The following CCDC6 variants were observed in gnomAD, a reference collection of about 807,000 sequenced individuals.
CCDC6 encodes the protein coiled-coil domain-containing protein 6.
CCDC6 carries 20 observed loss-of-function variants against 56.6 expected under a neutral mutation model. The ratio of observed to expected loss-of-function variants is 0.35; its 90% CI spans 0.25 to 0.51. The LOEUF is 0.51. Ranked by LOEUF, CCDC6 falls within the 20% of genes least tolerant of loss-of-function variation. The probability of loss-of-function intolerance (pLI) is 0.95; values close to 1 mark genes in which losing one functional copy is unlikely to be tolerated. For synonymous variants in CCDC6, 241 were observed against 234.4 expected, an observed-to-expected ratio of 1.03 and a Z score of -0.26; for missense variants, 367 against 601.1, an observed-to-expected ratio of 0.61 and a Z score of 4.07.
chr10:59,806,560 G>A (rs2070625378), intron 6 of CCDC6: 2 of 166,456 alleles, frequency 1.2e-5, no homozygotes, highest in Non-Finnish European at 2.6e-5. Context: ...ACTATAGCTT[G>A]CTTATCCTTA....
chr10:59,904,891 CTCCTCCACCGAAGGCATT>C (rs146977414), intron 1 of CCDC6, among the ~76,000 whole-genome samples: 1,775 of 152,302 alleles, frequency 0.012, 35 homozygotes, highest in African/African-American at 0.041. Flanking sequence ...TATACACAGC[CTCCTCCACCGAAGGCATT>C]TCCTGGCACA....
At chr10:59,889,490 G>T (rs1432068565) in intron 1 of CCDC6, among the ~76,000 whole-genome samples, 1 of 152,150 alleles carries the variant, frequency 6.6e-6, no homozygotes, top group African/African-American at 2.4e-5. Context: ...ACCTTCTGCT[G>T]TCCACAAAGT....
chr10:59,863,515 T>C (rs1444775996), intron 1 of CCDC6, among the ~76,000 whole-genome samples: 1 of 152,170 alleles, frequency 6.6e-6, no homozygotes, highest in African/African-American at 2.4e-5. Flanking sequence ...GGCATATTTA[T>C]AAAGACAGAA....
intron 1 of CCDC6, among the ~76,000 whole-genome samples, chr10:59,886,832 A>G (rs2071386178): frequency 6.6e-6 from 1 of 152,326 alleles, no homozygotes; most frequent in African/African-American, 2.4e-5. Flanking sequence ...AAAGGATATC[A>G]ACTAGGCAGG....
intron 7 of CCDC6, among the ~76,000 whole-genome samples, chr10:59,797,590 A>G (rs1462887219): frequency 1.6e-5 from 1 of 64,010 alleles, no homozygotes; most frequent in Non-Finnish European, 3.3e-5. Context: ...CCTCCTAGCA[A>G]AAAAAAAAAA....
At chr10:59,898,354 C>G (rs1358930527) in intron 1 of CCDC6, among the ~76,000 whole-genome samples, 3 of 152,214 alleles carry the variant, frequency 2.0e-5, no homozygotes, top group Admixed American at 1.3e-4. Flanking sequence ...ACAGCTCTCC[C>G]CATCTCTGCC....
chr10:59,796,598 T>A (rs569210258), intron 7 of CCDC6, among the ~76,000 whole-genome samples: 1 of 152,298 alleles, frequency 6.6e-6, no homozygotes, highest in African/African-American at 2.4e-5. Context: ...TCTGGGTATT[T>A]ATACAAAATA....
chr10:59,800,172 A>G (rs1246279647), intron 7 of CCDC6, among the ~76,000 whole-genome samples: 1 of 152,214 alleles, frequency 6.6e-6, no homozygotes, highest in Non-Finnish European at 1.5e-5. Flanking sequence ...ACCCTACATA[A>G]CAATAACACA....
intron 1 of CCDC6, among the ~76,000 whole-genome samples, chr10:59,880,901 C>T (rs2071328422): frequency 2.0e-5 from 3 of 152,146 alleles, no homozygotes; most frequent in African/African-American, 7.2e-5. Context: ...GTCCTGCTAT[C>T]CAGTCTCTGC....
rs185595940 is a variant in CCDC6, at chr10:59,905,315, G to A, written c.303+807C>T. On this transcript the variant is annotated intron_variant, in intron 1 of 8. Coordinates refer to ENST00000263102, the MANE Select transcript of CCDC6 (RefSeq NM_005436.5). ...GGGGACAGGTAGAAACAGAACAGAT[G>A]GCCTGTTCTCCAGTATCTAGACTCA... Among the ~76,000 whole-genome samples the A allele has an allele frequency of 3.1e-4, 47 of 152,202 alleles. 1 individual carries two copies. The East Asian group carries it at 8.5e-3, about 28-fold the overall frequency.
In CCDC6 at chr10:59,807,432, C is replaced by G. The variant is rs528282678; in HGVS notation, c.848-354G>C. The stretch of plus-strand genomic sequence containing the variant: ...CTCAGGAGGTGGAGGTTGTAGTGAG[C>G]GAGACTGAGCTACTGCACTTCAGCC... On this transcript the variant is annotated intron_variant, in intron 5 of 8. Transcript: ENST00000263102. 1.3e-4 allele frequency among the ~76,000 whole-genome samples: 20 copies of G among 152,202 alleles called. No homozygotes were observed. The East Asian group carries it at 3.7e-3, about 28-fold the overall frequency.
At chr10:59,833,219 CG>C (rs1405984611) in intron 2 of CCDC6, among the ~76,000 whole-genome samples, 3 of 152,248 alleles carry the variant, frequency 2.0e-5, no homozygotes, top group African/African-American at 7.2e-5. Context: ...GAGGCCAAGG[CG>C]GGTGGACCAC....
chr10:59,834,963 T>TG (rs1420224565), intron 2 of CCDC6, among the ~76,000 whole-genome samples: 1 of 152,264 alleles, frequency 6.6e-6, no homozygotes, highest in Non-Finnish European at 1.5e-5. Flanking sequence ...CTGTCTTCTA[T>TG]CTGCAGGTAC....
chr10:59,798,510 A>C (rs1375658088), intron 7 of CCDC6, among the ~76,000 whole-genome samples: 1 of 152,200 alleles, frequency 6.6e-6, no homozygotes, highest in African/African-American at 2.4e-5. Flanking sequence ...TCACATTTAC[A>C]AAATGGAGGT....
chr10:59,900,427 A>G (rs996036887), intron 1 of CCDC6, among the ~76,000 whole-genome samples: 1 of 152,210 alleles, frequency 6.6e-6, no homozygotes. Context: ...GCCAGAGGAA[A>G]TCTACTGAAG....
intron 1 of CCDC6, among the ~76,000 whole-genome samples, chr10:59,893,652 AT>A (rs2071441248): frequency 3.7e-5 from 5 of 135,094 alleles, no homozygotes; most frequent in Non-Finnish European, 8.3e-5. Flanking sequence ...ACATACATAC[AT>A]ACATACATAC....
rs1054869120 is a variant in CCDC6, at chr10:59,844,956, G to A, written c.453+7597C>T. ...TTATGAGTGGAGGAAATAGGAAGGT[G>A]AGGACAGCAGCAGGATATAACTCCG... On this transcript the variant is annotated intron_variant, in intron 2 of 8. Coordinates refer to ENST00000263102, the MANE Select transcript of CCDC6 (RefSeq NM_005436.5). 4.6e-5 allele frequency among the ~76,000 whole-genome samples: 7 copies of A among 152,270 alleles called. No homozygotes were observed. The East Asian group carries it at 1.3e-3, about 29-fold the overall frequency.
chr10:59,845,286 C>T (rs1265447757), intron 2 of CCDC6, among the ~76,000 whole-genome samples: 1 of 149,322 alleles, frequency 6.7e-6, no homozygotes, highest in Non-Finnish European at 1.5e-5. Context: ...CTTTTTCTCA[C>T]ATTTTATGTC....
At chr10:59,826,016 GGAA>G (rs1360268293) in intron 3 of CCDC6, among the ~76,000 whole-genome samples, 1 of 152,144 alleles carries the variant, frequency 6.6e-6, no homozygotes, top group Non-Finnish European at 1.5e-5. Context: ...TACTGCCCCT[GGAA>G]GCTGGGGTCC....
Sources: allele counts gnomAD v4.1 joint callset (sites outside exome capture counted in the v4.1 genomes callset), GRCh38; gene constraint gnomAD v4.1.1; transcripts MANE v1.5; gene names NCBI Gene and HGNC (gene_info 2026-07-23, HGNC 2026-07-21).